The following NEGR1 variants were observed in gnomAD, a reference collection of about 807,000 sequenced individuals.
The protein encoded by NEGR1 is IgLON family member 4.
Under a neutral mutation model 40.9 loss-of-function variants are expected in NEGR1, and 10 were observed. That is an observed-to-expected ratio of 0.24 (90% CI 0.15 to 0.42). The LOEUF (loss-of-function observed/expected upper bound fraction) is 0.42. Among genes scored for constraint, NEGR1 ranks in the 10% least tolerant of loss-of-function variants. NEGR1 has a pLI of 1.00. For missense variants in NEGR1, 352 were observed against 438.9 expected (o/e 0.80, Z 1.77); for synonymous variants, 185 against 166.8 (o/e 1.11, Z -0.84).
chr1:71,951,702 T>G (rs1646072061), intron 1 of NEGR1, among the ~76,000 whole-genome samples: 1 of 151,916 alleles, frequency 6.6e-6, no homozygotes, highest in African/African-American at 2.4e-5. Flanking sequence ...CATACCTCAT[T>G]TTATTGCACT....
intron 1 of NEGR1, among the ~76,000 whole-genome samples, chr1:71,997,865 T>C (rs2100373381): frequency 6.6e-6 from 1 of 152,084 alleles, no homozygotes; most frequent in Non-Finnish European, 1.5e-5. Flanking sequence ...ATCTCCAGCA[T>C]TTTTGCCAGT....
chr1:71,675,424 T>C (rs1171233692), intron 4 of NEGR1, among the ~76,000 whole-genome samples: 1 of 151,556 alleles, frequency 6.6e-6, no homozygotes. Flanking sequence ...GATGTAGATA[T>C]ATAGCTATAG....
chr1:71,578,366 T>C (rs1321936978), intron 6 of NEGR1, among the ~76,000 whole-genome samples: 1 of 152,196 alleles, frequency 6.6e-6, no homozygotes, highest in Non-Finnish European at 1.5e-5. Context: ...CTGGTGACAG[T>C]ATATACTATG....
intron 1 of NEGR1, among the ~76,000 whole-genome samples, chr1:72,230,016 T>C (rs1654313319): frequency 6.6e-6 from 1 of 152,152 alleles, no homozygotes; most frequent in African/African-American, 2.4e-5. Context: ...GGGAGTTCTC[T>C]GATTGCACAG....
chr1:71,962,943 AATGT>A (rs1166459403), intron 1 of NEGR1, among the ~76,000 whole-genome samples: 2 of 152,016 alleles, frequency 1.3e-5, no homozygotes, highest in African/African-American at 2.4e-5. Context: ...TCTTAAAAAC[AATGT>A]ATGCTTATGA....
At chr1:71,860,364 GT>G (rs1178538869) in intron 2 of NEGR1, among the ~76,000 whole-genome samples, 2 of 151,928 alleles carry the variant, frequency 1.3e-5, no homozygotes, top group African/African-American at 4.8e-5. Flanking sequence ...TCTCTTTACA[GT>G]GTGTTTTTCA....
chr1:71,579,841 T>C (rs1649078863), intron 6 of NEGR1, among the ~76,000 whole-genome samples: 1 of 152,140 alleles, frequency 6.6e-6, no homozygotes, highest in Admixed American at 6.5e-5. Flanking sequence ...AATTAAGACA[T>C]TGCAAAATAA....
intron 1 of NEGR1, among the ~76,000 whole-genome samples, chr1:72,006,400 C>T (rs1646606926): frequency 6.6e-6 from 1 of 152,124 alleles, no homozygotes; most frequent in Non-Finnish European, 1.5e-5. Context: ...AATCATAATT[C>T]TCCACCACAA....
intron 6 of NEGR1, among the ~76,000 whole-genome samples, chr1:71,481,454 C>T (rs1239250264): frequency 6.6e-6 from 1 of 151,870 alleles, no homozygotes; most frequent in Non-Finnish European, 1.5e-5. Flanking sequence ...AGTATATATA[C>T]GTGTGAATCT....
At chr1:71,994,652 T>C (rs1646487650) in intron 1 of NEGR1, among the ~76,000 whole-genome samples, 1 of 151,992 alleles carries the variant, frequency 6.6e-6, no homozygotes. Context: ...ACAAGTTTGG[T>C]GTGTCATTGT....
intron 1 of NEGR1, among the ~76,000 whole-genome samples, chr1:72,120,358 T>G (rs2100289080): frequency 6.6e-6 from 1 of 152,134 alleles, no homozygotes; most frequent in South Asian, 2.1e-4. Flanking sequence ...ATTTATGAAT[T>G]ATTGAAGAGT....
intron 6 of NEGR1, among the ~76,000 whole-genome samples, chr1:71,570,012 A>G (rs567794712): frequency 6.6e-6 from 1 of 152,276 alleles, no homozygotes; most frequent in Non-Finnish European, 1.5e-5. Flanking sequence ...TAGTTTTATG[A>G]CTGTCATCTA....
chr1:72,192,407 T>G lies in NEGR1; in HGVS notation c.176+89912A>C, dbSNP rs1019302957. On this transcript the variant is annotated intron_variant, in intron 1 of 6. Coordinates refer to ENST00000357731, the MANE Select transcript of NEGR1 (RefSeq NM_173808.3). ...TGTAAAAAAGAGCAGTTTTGGCAGATAGTAAAATACATCACTGTATAATAT... is the reference window on the plus strand; with the variant it reads ...TGTAAAAAAGAGCAGTTTTGGCAGAGAGTAAAATACATCACTGTATAATAT... Among the ~76,000 whole-genome samples, 3 of 151,896 alleles carry G rather than the reference T, an allele frequency of 2.0e-5. No individual in the cohort carries two copies. In the Admixed American group the frequency reaches 2.0e-4, roughly 10 times the overall value.
At position 71,960,080 on chromosome 1, in the gene NEGR1, A is replaced by T. The variant is rs1157873551; in HGVS notation, c.177-24769T>A. ...TAGGTAGGAAGTAGGGCAAGCATAT[A>T]TTCCCTTTGAAAGGTGCAAGAAAAT... On this transcript the variant is annotated intron_variant, in intron 1 of 6. Transcript: ENST00000357731. Among the ~76,000 whole-genome samples the T allele has an allele frequency of 2.6e-5, 4 of 152,140 alleles. No individual in the cohort carries two copies. In the South Asian group the frequency reaches 6.2e-4, roughly 24 times the overall value.
intron 1 of NEGR1, among the ~76,000 whole-genome samples, chr1:72,116,072 C>A (rs1178297166): frequency 6.6e-6 from 1 of 151,672 alleles, no homozygotes; most frequent in East Asian, 1.9e-4. Context: ...GGAGATCACC[C>A]TAGACAGCAT....
chr1:71,866,535 C>T (rs1354976377), intron 2 of NEGR1, among the ~76,000 whole-genome samples: 3 of 152,064 alleles, frequency 2.0e-5, no homozygotes, highest in African/African-American at 7.2e-5. Flanking sequence ...AATATCTGAC[C>T]TTACAAAGTT....
At chr1:71,597,196 T>C (rs1649740172) in intron 5 of NEGR1, among the ~76,000 whole-genome samples, 2 of 152,070 alleles carry the variant, frequency 1.3e-5, no homozygotes, top group African/African-American at 4.8e-5. Context: ...AACTCTTACA[T>C]GGACTTAACA....
chr1:71,723,669 C>G (rs113338832), intron 3 of NEGR1, among the ~76,000 whole-genome samples: 1 of 151,960 alleles, frequency 6.6e-6, no homozygotes, highest in Admixed American at 6.6e-5. Flanking sequence ...TCACTTGTAT[C>G]GTTTATAATA....
chr1:71,898,979 A>ATATG (rs1661062249), intron 2 of NEGR1, among the ~76,000 whole-genome samples: 6 of 28,494 alleles, frequency 2.1e-4, no homozygotes, highest in Admixed American at 3.5e-4. Flanking sequence ...ATATATATAT[A>ATATG]GCATATATAT....
Sources: gnomAD v4.1 joint callset for allele counts (sites outside exome capture counted in the v4.1 genomes callset) on GRCh38, gnomAD v4.1.1 for gene constraint, MANE v1.5 for transcripts, NCBI Gene and HGNC (gene_info 2026-07-23, HGNC 2026-07-21) for gene names.